PDC: variants seen among roughly 807,000 people sequenced by gnomAD.
The protein encoded by PDC is phosducin.
In PDC, 19 loss-of-function variants were observed where a neutral mutation model predicts 22.2. The ratio of observed to expected loss-of-function variants is 0.86; its 90% CI spans 0.60 to 1.26. The LOEUF is 1.26. PDC is among the 50% of genes most tolerant of loss of function. The probability of loss-of-function intolerance (pLI) is 0.00; values close to 1 mark genes in which losing one functional copy is unlikely to be tolerated. For synonymous variants in PDC, 97 were observed against 96.2 expected (o/e 1.01, Z -0.05); for missense variants, 274 against 286.8 (o/e 0.96, Z 0.32).
chr1:186,455,481 C>A (rs1662438049), intron 1 of PDC, among the ~76,000 whole-genome samples: 1 of 152,122 alleles, frequency 6.6e-6, no homozygotes, highest in Non-Finnish European at 1.5e-5. Context: ...CCATAGCCTG[C>A]CTTTTCTTTA....
In PDC at chr1:186,444,259, C is replaced by G. The variant is rs186926723; in HGVS notation, c.461G>C (p.Ser154Thr). Residue 154 changes from serine (S) to threonine (T), a missense_variant, in exon 4 of 4, where the codon AGT becomes ACT. Coordinates refer to ENST00000391997, the MANE Select transcript of PDC (RefSeq NM_002597.5). ...GTATTCTGCTGCAAGGCATGTTAAA[C>G]TACTGTTTAGAGCATCACAACCCTT... Reference protein sequence around the residue: ...GIKGCDALNSSLTCLAAEYPI... With the variant: ...GIKGCDALNSTLTCLAAEYPI... 7.4e-6 allele frequency: 12 copies of G among 1,614,044 alleles called. No homozygotes were observed. Among genetic ancestry groups the G allele is most frequent in the Admixed American group, 1.7e-5 (1 of 60,022 alleles).
In PDC at chr1:186,444,246, A is replaced by G. The variant is rs1662171212; in HGVS notation, c.474T>C (p.Leu158=). ...CDALNSSLTC[L]AAEYPIVKFC... is the part of the protein sequence containing the mutation. ...ACTTAACTATAGGGTATTCTGCTGC[A>G]AGGCATGTTAAACTACTGTTTAGAG... The change falls in exon 4 of 4, where the codon CTT becomes CTC. Residue 158 remains leucine, a synonymous_variant. Transcript: ENST00000391997. 1 of 1,614,000 alleles carries G rather than the reference A, an allele frequency of 6.2e-7. No individual in the cohort carries two copies.
intron 2 of PDC, among the ~76,000 whole-genome samples, chr1:186,447,826 TG>T: frequency 6.6e-6 from 1 of 151,994 alleles, no homozygotes; most frequent in East Asian, 1.9e-4. Flanking sequence ...TTTATGCATA[TG>T]CAAAATATAC....
chr1:186,449,830 G>A (rs945923509), intron 1 of PDC, among the ~76,000 whole-genome samples: 2 of 151,886 alleles, frequency 1.3e-5, no homozygotes, highest in Admixed American at 1.3e-4. Flanking sequence ...CTAATATTAT[G>A]TGAAATTTGA....
At position 186,455,994 on chromosome 1, in the gene PDC, AATAT is replaced by A. The variant is rs71104863; in HGVS notation, c.-25+5061_-25+5064del. Among the ~76,000 whole-genome samples, 554 of 76,840 alleles carry A rather than the reference AATAT, an allele frequency of 7.2e-3. 10 individuals carry two copies. The highest frequency in any genetic ancestry group is 0.013 in the Middle Eastern group (1 of 76). The allele number at this position is 76,840 out of a possible 152,430, so 50.4% of individuals were successfully genotyped here. ...CTCAAAAAAAAAAAAAAAAAAAAAAAATATATATATATATATATATATATATATA... is the reference window on the plus strand; with the variant it reads ...CTCAAAAAAAAAAAAAAAAAAAAAAAATATATATATATATATATATATATA... On this transcript the variant is annotated intron_variant, in intron 1 of 3. Coordinates refer to ENST00000391997, the MANE Select transcript of PDC (RefSeq NM_002597.5).
rs1021753454 is a variant in PDC at position 186,454,174 on chromosome 1, T to C, written c.-24-4691A>G. ...TTATTTCTTTCTTTTCTTTCTTTTT[T>C]TTTTTTTTTTTTTTTTTGAGACAGA... On this transcript the variant is annotated intron_variant, in intron 1 of 3. Transcript: ENST00000391997. Among the ~76,000 whole-genome samples the C allele has an allele frequency of 6.6e-4, 89 of 134,788 alleles. 1 individual carries two copies. Among genetic ancestry groups the C allele is most frequent in the South Asian group, 4.7e-3 (20 of 4,284 alleles). 88.4% of individuals were successfully genotyped at this position (134,788 alleles called of 152,430 possible). A position where few individuals can be genotyped will look rare whatever the true frequency, so the allele number is the denominator to read the frequency against.
chr1:186,454,748 A>G (rs564631226), intron 1 of PDC, among the ~76,000 whole-genome samples: 1 of 152,358 alleles, frequency 6.6e-6, no homozygotes, highest in South Asian at 2.1e-4. Context: ...GGAGATTTAT[A>G]TTGTAAAGTG....
At chr1:186,444,582 G>C (rs11812050) in intron 3 of PDC, 76 bp from the exon 4 acceptor site, 128,858 of 941,664 alleles carry the variant, frequency 0.14, 11,256 homozygotes, top group East Asian at 0.4. Flanking sequence ...ATTCTCAACC[G>C]AAGGAGTGTA....
intron 1 of PDC, among the ~76,000 whole-genome samples, chr1:186,458,173 C>T (rs908813751): frequency 1.3e-5 from 2 of 148,476 alleles, no homozygotes; most frequent in African/African-American, 5.0e-5. Flanking sequence ...ATTCTTGTTC[C>T]TAGTGAAAAG....
rs186177926 is a variant in PDC at position 186,459,104 on chromosome 1, G to A, written c.-25+1955C>T. ...TTGAACCTGGGAGGCGCAGGTTGCA[G>A]TGAGCCGACATCTCGCCACTGCACT... On this transcript the variant is annotated intron_variant, in intron 1 of 3. Transcript: ENST00000391997. Among the ~76,000 whole-genome samples the A allele has an allele frequency of 5.9e-3, 898 of 152,294 alleles. 12 individuals carry two copies. Among genetic ancestry groups the A allele is most frequent in the African/African-American group, 0.021 (867 of 41,568 alleles).
At chr1:186,454,237 G>A (rs1183162646) in intron 1 of PDC, among the ~76,000 whole-genome samples, 9 of 142,134 alleles carry the variant, frequency 6.3e-5, no homozygotes, top group South Asian at 4.4e-4. Context: ...ACAGTGGTGC[G>A]ATCTTACTCA....
At position 186,444,478 on chromosome 1, in the gene PDC, T is replaced by A; in HGVS notation, c.242A>T (p.His81Leu). 1 of 1,603,994 alleles carries A rather than the reference T, an allele frequency of 6.2e-7. No homozygotes were observed. The highest frequency in any genetic ancestry group is 1.1e-5 in the South Asian group (1 of 90,636). The part of the protein sequence containing the change: ...KMSIQEYELI[H>L]KEKEDENCLR... ...GCAGTTTTCATCCTCTTTCTCTTTA[T>A]GGATTAGTTCATATTCTTGAATGCT... Residue 81 changes from histidine to leucine, a missense_variant, in exon 4 of 4, where the codon CAT (histidine) becomes CTT (leucine). Physicochemically the swap from His to Leu is moderately conservative, Grantham distance 99. Transcript: ENST00000391997.
chr1:186,449,776 T>C (rs1662312375), intron 1 of PDC, among the ~76,000 whole-genome samples: 1 of 152,210 alleles, frequency 6.6e-6, no homozygotes. Context: ...CAGTTAAGTC[T>C]ATGTGGTTAG....
intron 1 of PDC, among the ~76,000 whole-genome samples, chr1:186,453,253 A>G (rs963376442): frequency 2.6e-5 from 4 of 152,200 alleles, no homozygotes; most frequent in African/African-American, 7.2e-5. Context: ...TCAAATATAA[A>G]TGGTCCTGCA....
chr1:186,453,395 A>G (rs905853759), intron 1 of PDC, among the ~76,000 whole-genome samples: 11 of 152,348 alleles, frequency 7.2e-5, no homozygotes, highest in Non-Finnish European at 1.2e-4. Flanking sequence ...TATCGTCATT[A>G]TCATTGGTCA....
chr1:186,459,119 G>A (rs543009227), intron 1 of PDC, among the ~76,000 whole-genome samples: 283 of 152,196 alleles, frequency 1.9e-3, no homozygotes, highest in African/African-American at 6.2e-3. Context: ...CCGACATCTC[G>A]CCACTGCACT....
chr1:186,452,571 G>A (rs1158543551), intron 1 of PDC, among the ~76,000 whole-genome samples: 1 of 152,148 alleles, frequency 6.6e-6, no homozygotes, highest in Admixed American at 6.5e-5. Flanking sequence ...TATTTGCAAG[G>A]TGCTTCAATT....
chr1:186,452,313 A>G (rs1394771441), intron 1 of PDC, among the ~76,000 whole-genome samples: 1 of 152,094 alleles, frequency 6.6e-6, no homozygotes, highest in African/African-American at 2.4e-5. Flanking sequence ...ATCTCCCCTC[A>G]CTGCAACCTC....
rs757585302 is a variant in PDC, at chr1:186,446,559, T to C, written c.80A>G (p.Asn27Ser). The C allele has an allele frequency of 6.3e-7, 1 of 1,579,516 alleles. No homozygotes were observed. Among genetic ancestry groups the C allele is most frequent in the South Asian group, 1.1e-5 (1 of 88,258 alleles). The change falls in exon 3 of 4, where the codon AAT (asparagine) becomes AGT (serine). Residue 27 changes from asparagine (N) to serine (S), a missense_variant. By Grantham distance (46) the Asn-to-Ser change is conservative (BLOSUM62 1). Transcript: ENST00000391997. ...CTCTAATTTAAACTTTCTCCAATCA[T>C]TTATTACTCCTTTGGGTCCTGGAAT... ...ATHTGPKGVI[N>S]DWRKFKLESQ...
Sources: allele counts gnomAD v4.1 joint callset (sites outside exome capture counted in the v4.1 genomes callset), GRCh38; gene constraint gnomAD v4.1.1; transcripts MANE v1.5; gene names NCBI Gene and HGNC (gene_info 2026-07-23, HGNC 2026-07-21).